PALM2AKAP2: variants seen among roughly 807,000 people sequenced by gnomAD.
The protein encoded by PALM2AKAP2 is PALM2-AKAP2 fusion protein.
A neutral mutation model predicts 71.5 loss-of-function variants in PALM2AKAP2; 37 were observed. That is an observed-to-expected ratio of 0.52 (90% confidence interval 0.40 to 0.68). The LOEUF is 0.68. Among genes scored for constraint, PALM2AKAP2 ranks in the 30% least tolerant of loss-of-function variants. The pLI, the probability that PALM2AKAP2 is intolerant of heterozygous loss-of-function variation, is 0.00. For synonymous variants in PALM2AKAP2, 468 were observed against 478.8 expected, an observed-to-expected ratio of 0.98 and a Z score of 0.29; for missense variants, 1,224 against 1,191.8, an observed-to-expected ratio of 1.03 and a Z score of -0.40.
chr9:109,953,179 G>A (rs1345228411), intron 6 of PALM2AKAP2, among the ~76,000 whole-genome samples: 4 of 152,074 alleles, frequency 2.6e-5, no homozygotes, highest in Non-Finnish European at 5.9e-5. Context: ...CTCATAATTC[G>A]ATTCTGGGGA....
chr9:110,135,164 A>AAAAAAAAAAAATATATATAT, intron 1 of PALM2AKAP2, among the ~76,000 whole-genome samples: 5 of 51,728 alleles, frequency 9.7e-5, no homozygotes, highest in Admixed American at 4.3e-4. Context: ...AAAAAAAAAA[A>AAAAAAAAAAAATATATATAT]ATATATAAAT....
chr9:109,727,129 T>G (rs902538669), intron 1 of PALM2AKAP2, among the ~76,000 whole-genome samples: 2 of 152,218 alleles, frequency 1.3e-5, no homozygotes, highest in African/African-American at 4.8e-5. Context: ...TTTACTTCTC[T>G]ATTTAAATTA....
chr9:109,999,010 T>C (rs1427511572), intron 6 of PALM2AKAP2, among the ~76,000 whole-genome samples: 3 of 151,612 alleles, frequency 2.0e-5, no homozygotes, highest in Non-Finnish European at 4.4e-5. Flanking sequence ...AGGCCTGGGG[T>C]GGGACAGCAG....
intron 1 of PALM2AKAP2, among the ~76,000 whole-genome samples, chr9:109,832,846 A>G: frequency 6.6e-6 from 1 of 152,198 alleles, no homozygotes. Flanking sequence ...ACCCTCAGAG[A>G]GGCCAGCGGG....
intron 1 of PALM2AKAP2, chr9:109,867,004 G>C: frequency 4.4e-6 from 2 of 456,382 alleles, no homozygotes; most frequent in South Asian, 3.1e-5. Context: ...TTGAAACAAC[G>C]TCTGCTTATT....
chr9:109,648,628 G>A (rs1174172735), intron 1 of PALM2AKAP2, among the ~76,000 whole-genome samples: 1 of 152,170 alleles, frequency 6.6e-6, no homozygotes, highest in Non-Finnish European at 1.5e-5. Flanking sequence ...TTTGGATAGA[G>A]ACTTGAACAA....
At chr9:109,838,639 A>G (rs1828556511) in intron 1 of PALM2AKAP2, among the ~76,000 whole-genome samples, 1 of 152,248 alleles carries the variant, frequency 6.6e-6, no homozygotes. Flanking sequence ...AGCAAGACTA[A>G]TAAAGAAGAA....
chr9:109,749,188 G>A (rs1162637201), intron 1 of PALM2AKAP2, among the ~76,000 whole-genome samples: 3 of 152,064 alleles, frequency 2.0e-5, no homozygotes, highest in Admixed American at 1.3e-4. Flanking sequence ...TGGTCTGCCC[G>A]TTAGTCCTTC....
chr9:109,809,166 G>A (rs181911216), intron 1 of PALM2AKAP2, among the ~76,000 whole-genome samples: 98 of 152,308 alleles, frequency 6.4e-4, no homozygotes, highest in African/African-American at 2.1e-3. Flanking sequence ...GTGAGAAGAA[G>A]GCCATTGCTC....
intron 1 of PALM2AKAP2, among the ~76,000 whole-genome samples, chr9:109,829,582 G>GC (rs1828243438): frequency 6.6e-6 from 1 of 151,632 alleles, no homozygotes; most frequent in Admixed American, 6.6e-5. Flanking sequence ...GAAAAAATAT[G>GC]AAGTATTCCT....
chr9:110,096,064 G>A (rs1834828726), intron 1 of PALM2AKAP2, among the ~76,000 whole-genome samples: 1 of 152,178 alleles, frequency 6.6e-6, no homozygotes, highest in African/African-American at 2.4e-5. Flanking sequence ...TCTATGTATG[G>A]AGGGTGAGGT....
At chr9:109,717,375 C>G (rs1828340438) in intron 1 of PALM2AKAP2, among the ~76,000 whole-genome samples, 1 of 152,096 alleles carries the variant, frequency 6.6e-6, no homozygotes, top group African/African-American at 2.4e-5. Context: ...ATGAGATAGA[C>G]CAAACAGTCA....
rs559639751 is a variant in PALM2AKAP2, at chr9:109,840,469, T to C, written c.46-27022T>C. Among the ~76,000 whole-genome samples the C allele has an allele frequency of 3.4e-3, 518 of 152,346 alleles. 2 individuals carry two copies. The highest frequency in any genetic ancestry group is 0.012 in the African/African-American group (487 of 41,566). ...CACATAGGCATGGGCAAGGACTTCA[T>C]GTCTAAAACACCAAAAGCAATGGCA... On this transcript the variant is annotated intron_variant, in intron 1 of 9. Transcript: ENST00000302798.
At chr9:110,036,710 G>T (rs1288407468) in intron 7 of PALM2AKAP2, among the ~76,000 whole-genome samples, 1 of 152,108 alleles carries the variant, frequency 6.6e-6, no homozygotes, top group Non-Finnish European at 1.5e-5. Context: ...ATCAAGGTTT[G>T]CAAGGACCTT....
At chr9:109,930,365 A>G (rs1267433486) in intron 5 of PALM2AKAP2, among the ~76,000 whole-genome samples, 2 of 151,974 alleles carry the variant, frequency 1.3e-5, no homozygotes, top group East Asian at 3.9e-4. Flanking sequence ...AGCTGGGACT[A>G]CAGGTGCATG....
chr9:110,072,178 G>A (rs1297766600), intron 1 of PALM2AKAP2, among the ~76,000 whole-genome samples: 2 of 152,140 alleles, frequency 1.3e-5, no homozygotes, highest in African/African-American at 2.4e-5. Context: ...GTTGATGTGG[G>A]CAAAAATGAG....
chr9:109,840,289 A>G (rs1041955646), intron 1 of PALM2AKAP2, among the ~76,000 whole-genome samples: 3 of 152,242 alleles, frequency 2.0e-5, no homozygotes, highest in East Asian at 1.9e-4. Context: ...TTAATAAATG[A>G]TGCTGGGAAA....
chr9:109,976,336 A>C (rs774531280), intron 6 of PALM2AKAP2, among the ~76,000 whole-genome samples: 24 of 152,370 alleles, frequency 1.6e-4, no homozygotes, highest in Admixed American at 1.3e-4. Flanking sequence ...CATTTTACAA[A>C]GGAGGAAACT....
intron 6 of PALM2AKAP2, among the ~76,000 whole-genome samples, chr9:109,999,556 A>C (rs1832641787): frequency 6.6e-6 from 1 of 151,828 alleles, no homozygotes. Flanking sequence ...CTCCTTCGGC[A>C]CTCTCTGAAG....
Sources: allele counts gnomAD v4.1 joint callset (sites outside exome capture counted in the v4.1 genomes callset), GRCh38; gene constraint gnomAD v4.1.1; transcripts MANE v1.5; gene names NCBI Gene and HGNC (gene_info 2026-07-23, HGNC 2026-07-21).